PRKG1: variants seen among roughly 807,000 people sequenced by gnomAD.
The protein encoded by PRKG1 is protein kinase cGMP-dependent 1, also known as cGMP-dependent protein kinase 1.
PRKG1 carries 35 observed loss-of-function variants against 88.1 expected under a neutral mutation model. That is an observed-to-expected ratio of 0.40 (90% confidence interval 0.30 to 0.53). PRKG1 has a LOEUF of 0.53. PRKG1 is among the 20% of genes least tolerant of loss of function. PRKG1 has a pLI of 0.59. For missense variants in PRKG1, 540 were observed against 839.8 expected (o/e 0.64, Z 4.41); for synonymous variants, 303 against 292.5 (o/e 1.04, Z -0.37).
chr10:51,898,516 AAAC>A (rs1480899870), intron 4 of PRKG1, among the ~76,000 whole-genome samples: 3 of 152,144 alleles, frequency 2.0e-5, no homozygotes, highest in Non-Finnish European at 2.9e-5. Context: ...TTAATTAATT[AAAC>A]AACAATTTTT....
At chr10:51,335,051 G>C (rs1315650252) in intron 2 of PRKG1, among the ~76,000 whole-genome samples, 4 of 136,120 alleles carry the variant, frequency 2.9e-5, no homozygotes, top group Non-Finnish European at 6.1e-5. Flanking sequence ...TGTCGCCCAG[G>C]CTGGAGTTGG....
At chr10:51,639,420 G>A (rs1839738625) in intron 3 of PRKG1, among the ~76,000 whole-genome samples, 1 of 112,292 alleles carries the variant, frequency 8.9e-6, no homozygotes, top group Admixed American at 1.2e-4. Context: ...GGCGGCGACA[G>A]AGCCAGACTC....
chr10:51,078,285 C>A (rs930418556), intron 1 of PRKG1, among the ~76,000 whole-genome samples: 11 of 151,796 alleles, frequency 7.2e-5, no homozygotes, highest in Admixed American at 2.0e-4. Context: ...GTGGCACGAT[C>A]TTGGCTCACT....
chr10:51,951,477 C>T (rs1320718849), intron 5 of PRKG1, among the ~76,000 whole-genome samples: 5 of 152,172 alleles, frequency 3.3e-5, no homozygotes, highest in African/African-American at 1.2e-4. Context: ...ATTCACTTAA[C>T]TTTTGGATAT....
In PRKG1 at chr10:52,062,532, T is replaced by A; in HGVS notation, c.841-5T>A. 6.4e-7 allele frequency: 1 copy of A among 1,557,820 alleles called. No individual in the cohort carries two copies. Among genetic ancestry groups the A allele is most frequent in the Non-Finnish European group, 8.7e-7 (1 of 1,150,934 alleles). Reference sequence around the variant, plus strand: ...GATCTAAACTTTCATTGTTTCTCTTTGCAGGTAAATGTCACTCGTGAAGAC... The same window carrying A: ...GATCTAAACTTTCATTGTTTCTCTTAGCAGGTAAATGTCACTCGTGAAGAC... On this transcript the variant is annotated splice_polypyrimidine_tract_variant and splice_region_variant and intron_variant, in intron 6 of 17. Coordinates refer to ENST00000373980, the MANE Select transcript of PRKG1 (RefSeq NM_006258.4).
chr10:51,138,381 T>C (rs549001660), intron 1 of PRKG1, among the ~76,000 whole-genome samples: 181 of 152,214 alleles, frequency 1.2e-3, no homozygotes, highest in Non-Finnish European at 1.7e-3. Flanking sequence ...ATGAGGCTTA[T>C]ATGATGCCAA....
chr10:51,256,772 G>A (rs1451329185), intron 2 of PRKG1, among the ~76,000 whole-genome samples: 2 of 152,110 alleles, frequency 1.3e-5, no homozygotes, highest in African/African-American at 2.4e-5. Context: ...TAGAAAAAAT[G>A]AAATCGGGGA....
intron 5 of PRKG1, among the ~76,000 whole-genome samples, chr10:52,040,766 G>A (rs564584092): frequency 2.6e-4 from 39 of 151,610 alleles, no homozygotes; most frequent in African/African-American, 8.9e-4. Flanking sequence ...GATCTTGGAA[G>A]GAAAGCTTTT....
chr10:52,183,806 A>G (rs772657095), intron 9 of PRKG1, among the ~76,000 whole-genome samples: 2 of 152,248 alleles, frequency 1.3e-5, no homozygotes, highest in African/African-American at 2.4e-5. Context: ...CAATGCAGCC[A>G]TGTGAATTCA....
intron 1 of PRKG1, among the ~76,000 whole-genome samples, chr10:51,056,956 G>A (rs1436514190): frequency 6.6e-6 from 1 of 152,062 alleles, no homozygotes; most frequent in Non-Finnish European, 1.5e-5. Flanking sequence ...GACTTTTCCT[G>A]TTATATCCCA....
chr10:51,940,587 A>T (rs1482168929), intron 5 of PRKG1, among the ~76,000 whole-genome samples: 1 of 151,876 alleles, frequency 6.6e-6, no homozygotes, highest in Non-Finnish European at 1.5e-5. Context: ...TCAGCCAGGG[A>T]TATTTTTCAC....
chr10:51,955,016 C>T (rs1225485318), intron 5 of PRKG1, among the ~76,000 whole-genome samples: 6 of 151,900 alleles, frequency 3.9e-5, no homozygotes, highest in Non-Finnish European at 8.8e-5. Flanking sequence ...TTTCAATAGT[C>T]GATATTTCTT....
chr10:51,253,777 C>T (rs10490977), intron 2 of PRKG1, among the ~76,000 whole-genome samples: 6,010 of 151,990 alleles, frequency 0.04, 187 homozygotes, highest in African/African-American at 0.088. Context: ...GACTTTAGAA[C>T]TTTTCATCCC....
At chr10:51,810,025 C>T (rs7894490) in intron 4 of PRKG1, among the ~76,000 whole-genome samples, 2,423 of 152,170 alleles carry the variant, frequency 0.016, 66 homozygotes, top group African/African-American at 0.054. Flanking sequence ...GGATGCATTA[C>T]CAGAGTGATC....
intron 12 of PRKG1, among the ~76,000 whole-genome samples, chr10:52,276,244 G>C (rs1589752986): frequency 6.6e-6 from 1 of 152,090 alleles, no homozygotes; most frequent in African/African-American, 2.4e-5. Flanking sequence ...GGTGAGAGTG[G>C]GCATCCTTAT....
chr10:51,033,298 A>C (rs1843310444), intron 1 of PRKG1, among the ~76,000 whole-genome samples: 1 of 152,178 alleles, frequency 6.6e-6, no homozygotes, highest in Non-Finnish European at 1.5e-5. Flanking sequence ...CCTTCAAAAT[A>C]GTAATAATAG....
chr10:51,299,126 C>T (rs1840803396), intron 2 of PRKG1, among the ~76,000 whole-genome samples: 1 of 152,126 alleles, frequency 6.6e-6, no homozygotes, highest in African/African-American at 2.4e-5. Flanking sequence ...CACACACTTA[C>T]CTGTCTTTTT....
chr10:51,332,393 T>C (rs1841763758), intron 2 of PRKG1, among the ~76,000 whole-genome samples: 1 of 151,338 alleles, frequency 6.6e-6, no homozygotes, highest in South Asian at 2.1e-4. Flanking sequence ...ATTCAAATTT[T>C]CTACTCCCCT....
Position 52,054,485 on chromosome 10 carries a change from C to A in PRKG1, c.764C>A (p.Thr255Asn). Residue 255 changes from threonine (T) to asparagine (N), a missense_variant and splice_region_variant, in exon 6 of 18, where the codon ACC becomes AAC. Transcript: ENST00000373980. Reference protein sequence around the residue: ...LSKLADVLEETHYENGEYIIR... With the variant: ...LSKLADVLEENHYENGEYIIR... ...TTTCTTATTGTTTCTACTTTTCAGA[C>A]CCACTATGAAAATGGAGAATATATT... 6.2e-7 allele frequency: 1 copy of A among 1,611,528 alleles called. No homozygotes were observed. Among genetic ancestry groups the A allele is most frequent in the South Asian group, 1.1e-5 (1 of 91,018 alleles).
Sources: gnomAD v4.1 joint callset for allele counts (sites outside exome capture counted in the v4.1 genomes callset) on GRCh38, gnomAD v4.1.1 for gene constraint, MANE v1.5 for transcripts, NCBI Gene and HGNC (gene_info 2026-07-23, HGNC 2026-07-21) for gene names.